CSMD1: variants seen among roughly 807,000 people sequenced by gnomAD.
CSMD1 encodes CUB and sushi domain-containing protein 1.
Under a neutral mutation model 417.5 loss-of-function variants are expected in CSMD1, and 213 were observed. That is an observed-to-expected ratio of 0.51 (90% CI 0.46 to 0.57). The LOEUF (loss-of-function observed/expected upper bound fraction) is 0.57, where lower values mean the gene tolerates loss of function less well. Among genes scored for constraint, CSMD1 ranks in the 20% least tolerant of loss-of-function variants. The pLI is 0.00. For missense variants in CSMD1, 6,923 were observed against 4,529.7 expected (o/e 1.53, Z -15.17); for synonymous variants, 2,862 against 1,736.8 (o/e 1.65, Z -16.11).
chr8:3,639,130 C>G (rs774267516), intron 7 of CSMD1, among the ~76,000 whole-genome samples: 2 of 152,162 alleles, frequency 1.3e-5, no homozygotes, highest in South Asian at 4.1e-4. Flanking sequence ...AAAAGATTTT[C>G]GCAGCTCTAC....
At chr8:3,581,209 C>T (rs941461526) in intron 9 of CSMD1, among the ~76,000 whole-genome samples, 1 of 152,314 alleles carries the variant, frequency 6.6e-6, no homozygotes, top group Admixed American at 6.5e-5. Context: ...ATATACTCTT[C>T]TCTCCACTTT....
intron 10 of CSMD1, among the ~76,000 whole-genome samples, chr8:3,541,484 C>A (rs879746458): frequency 6.6e-6 from 1 of 150,670 alleles, no homozygotes; most frequent in Non-Finnish European, 1.5e-5. Context: ...TCATGTTTAC[C>A]GAAATAACAA....
chr8:3,393,982 G>GTAT lies in CSMD1; in HGVS notation c.2593+2209_2593+2211dup, dbSNP rs1222029447. Among the ~76,000 whole-genome samples, 4 of 14,624 alleles carry GTAT rather than the reference G, an allele frequency of 2.7e-4. No homozygotes were observed. The East Asian group carries it at 5.7e-3, about 21-fold the overall frequency. 9.6% of individuals were successfully genotyped at this position (14,624 alleles called of 152,430 possible). A position where few individuals can be genotyped will look rare whatever the true frequency, so the allele number is the denominator to read the frequency against. On this transcript the variant is annotated intron_variant, in intron 17 of 69. Transcript: ENST00000635120. ...GTGCACATGTACCCTAGAACTTAAC[G>GTAT]TATAATAATAATAATAATAAAAAAA...
At chr8:4,077,993 T>C (rs985599902) in intron 3 of CSMD1, among the ~76,000 whole-genome samples, 3 of 152,076 alleles carry the variant, frequency 2.0e-5, no homozygotes, top group Non-Finnish European at 2.9e-5. Flanking sequence ...TCCTCTTTCA[T>C]CTCTCAGTTG....
chr8:3,577,719 T>C (rs912343992), intron 9 of CSMD1, among the ~76,000 whole-genome samples: 3 of 152,254 alleles, frequency 2.0e-5, no homozygotes, highest in African/African-American at 4.8e-5. Flanking sequence ...TGAAAGCTTG[T>C]GCTACTTTCT....
intron 11 of CSMD1, among the ~76,000 whole-genome samples, chr8:3,480,420 A>C (rs956982902): frequency 1.3e-5 from 2 of 152,168 alleles, no homozygotes; most frequent in African/African-American, 4.8e-5. Context: ...CTGTGGGACA[A>C]AACAAAACAA....
At chr8:3,029,203 TG>T in intron 51 of CSMD1, 115 bp downstream of exon 51, 1 of 717,440 alleles carries the variant, frequency 1.4e-6, no homozygotes, top group Non-Finnish European at 2.1e-6. Context: ...TTTGTTCTTT[TG>T]ATCTATAGGA....
intron 5 of CSMD1, among the ~76,000 whole-genome samples, chr8:3,950,530 T>C (rs565797896): frequency 3.3e-5 from 5 of 152,358 alleles, no homozygotes; most frequent in African/African-American, 1.2e-4. Flanking sequence ...GCCAGTTTTC[T>C]CAGCATGACA....
intron 31 of CSMD1, among the ~76,000 whole-genome samples, chr8:3,205,178 T>G (rs1208369743): frequency 6.6e-6 from 1 of 152,212 alleles, no homozygotes; most frequent in Non-Finnish European, 1.5e-5. Flanking sequence ...CACCCACTAC[T>G]TTATGAGAAA....
Position 3,151,409 on chromosome 8 carries a change from G to C in CSMD1, c.6019C>G (p.Pro2007Ala), listed in dbSNP as rs1381318629. The change falls in exon 40 of 70, where the codon CCC becomes GCC. Residue 2007 changes from proline to alanine, a missense_variant. Coordinates refer to ENST00000635120, the MANE Select transcript of CSMD1 (RefSeq NM_033225.6). ...CATTTTCACTTACCATAGCCGATGGGTAATGAGATCCTCCAGGTGCAGTCT... is the reference window on the plus strand; with the variant it reads ...CATTTTCACTTACCATAGCCGATGGCTAATGAGATCCTCCAGGTGCAGTCT... ...NLDCTWRISL[P>A]IGYGAHIQFL... The C allele has an allele frequency of 6.2e-7, 1 of 1,609,360 alleles. No individual in the cohort carries two copies. Among genetic ancestry groups the C allele is most frequent in the African/African-American group, 1.3e-5 (1 of 74,968 alleles).
At chr8:4,149,017 G>A (rs143094358) in intron 3 of CSMD1, among the ~76,000 whole-genome samples, 6 of 150,296 alleles carry the variant, frequency 4.0e-5, no homozygotes, top group African/African-American at 1.5e-4. Flanking sequence ...AGGCTGGAGT[G>A]CAGTGGCACA....
intron 5 of CSMD1, among the ~76,000 whole-genome samples, chr8:3,896,182 G>T (rs533226651): frequency 3.0e-4 from 45 of 152,246 alleles, no homozygotes; most frequent in African/African-American, 1.1e-3. Context: ...ACAAAAACAT[G>T]ATCTAGAGCC....
chr8:4,199,540 G>C (rs1274170572), intron 3 of CSMD1, among the ~76,000 whole-genome samples: 2 of 152,118 alleles, frequency 1.3e-5, no homozygotes, highest in African/African-American at 2.4e-5. Context: ...CATCAGTATT[G>C]AATCCTCTCG....
chr8:3,208,983 G>A (rs1029284472), intron 30 of CSMD1, among the ~76,000 whole-genome samples: 1 of 152,082 alleles, frequency 6.6e-6, no homozygotes, highest in Non-Finnish European at 1.5e-5. Flanking sequence ...TATTCCATTA[G>A]TTCTGTCCCT....
At chr8:4,450,275 A>G (rs924343220) in intron 2 of CSMD1, among the ~76,000 whole-genome samples, 18 of 152,170 alleles carry the variant, frequency 1.2e-4, no homozygotes, top group African/African-American at 4.3e-4. Flanking sequence ...AGCACACAAC[A>G]TGGGAGAAAG....
At chr8:4,569,100 T>C (rs946197981) in intron 2 of CSMD1, among the ~76,000 whole-genome samples, 7 of 152,152 alleles carry the variant, frequency 4.6e-5, no homozygotes, top group East Asian at 1.9e-4. Context: ...ACTGTGATGA[T>C]AGTTTTGTTT....
At chr8:3,605,642 A>G (rs1801576561) in intron 8 of CSMD1, among the ~76,000 whole-genome samples, 1 of 152,186 alleles carries the variant, frequency 6.6e-6, no homozygotes, top group Admixed American at 6.5e-5. Context: ...CATAAAGCAT[A>G]TTTCAAAATA....
intron 1 of CSMD1, among the ~76,000 whole-genome samples, chr8:4,931,676 A>G (rs1807261044): frequency 6.6e-6 from 1 of 152,224 alleles, no homozygotes; most frequent in African/African-American, 2.4e-5. Flanking sequence ...TTTGTGTTTA[A>G]GATTATGTAA....
intron 12 of CSMD1, among the ~76,000 whole-genome samples, chr8:3,412,288 T>C (rs555942426): frequency 3.8e-4 from 58 of 151,882 alleles, no homozygotes; most frequent in Non-Finnish European, 7.6e-4. Flanking sequence ...CAAATTGTGC[T>C]GCTATAAATA....
Sources: allele counts gnomAD v4.1 joint callset (sites outside exome capture counted in the v4.1 genomes callset), GRCh38; gene constraint gnomAD v4.1.1; transcripts MANE v1.5; gene names NCBI Gene and HGNC (gene_info 2026-07-23, HGNC 2026-07-21).